PRKN: variants seen among roughly 807,000 people sequenced by gnomAD.
The protein encoded by PRKN is E3 ubiquitin-protein ligase parkin.
Under a neutral mutation model 59.5 loss-of-function variants are expected in PRKN, and 56 were observed. The ratio of observed to expected loss-of-function variants is 0.94; its 90% CI spans 0.76 to 1.18. The LOEUF (loss-of-function observed/expected upper bound fraction) is 1.18. PRKN is among the 50% of genes most tolerant of loss of function. The probability of loss-of-function intolerance (pLI) is 0.00; values close to 1 mark genes in which losing one functional copy is unlikely to be tolerated. For missense variants in PRKN, 657 were observed against 596.4 expected (o/e 1.10, Z -1.06); for synonymous variants, 250 against 222.1 (o/e 1.13, Z -1.12).
intron 4 of PRKN, among the ~76,000 whole-genome samples, chr6:162,076,427 T>C (rs1030794483): frequency 9.8e-5 from 15 of 152,302 alleles, no homozygotes; most frequent in African/African-American, 3.4e-4. Context: ...TTCTAGTCTA[T>C]AAATTTCCCT....
intron 6 of PRKN, 37 bp downstream of exon 6, chr6:161,973,265 T>A: frequency 1.5e-5 from 20 of 1,317,022 alleles, no homozygotes; most frequent in Non-Finnish European, 2.2e-5. Context: ...TTACCTCACG[T>A]CCGTGGAGGG....
chr6:162,429,522 T>C (rs1789408565), intron 2 of PRKN, among the ~76,000 whole-genome samples: 1 of 152,078 alleles, frequency 6.6e-6, no homozygotes. Flanking sequence ...CGGATTTCTC[T>C]TCTCATGAAG....
rs1230513785 is a variant in PRKN at position 161,442,882 on chromosome 6, C to T, written c.1084-56005G>A. Among the ~76,000 whole-genome samples the T allele has an allele frequency of 3.3e-5, 5 of 152,098 alleles. No homozygotes were observed. On this transcript the variant is annotated intron_variant, in intron 9 of 11. Coordinates refer to ENST00000366898, the MANE Select transcript of PRKN (RefSeq NM_004562.3). This position sits in a 1 kb window ranked among gnomAD's most constrained non-coding sequence, Gnocchi z 4.6. ...TATCTGTCAGCAGTTTAACATAAAC[C>T]CTCTCACTTACTGCCAATGTGTCCA...
chr6:161,755,005 G>T lies in PRKN; in HGVS notation c.871+30767C>A, dbSNP rs77675052. ...AGTATCCAGAGAGCTGACCTACCAG[G>T]GAAAGTGCTTATGTTTCTTTCAGGA... On this transcript the variant is annotated intron_variant, in intron 7 of 11. Transcript: ENST00000366898. 7.7e-3 allele frequency among the ~76,000 whole-genome samples: 1,165 copies of T among 152,230 alleles called. 19 individuals are homozygous for T. Among genetic ancestry groups the T allele is most frequent in the African/African-American group, 0.027 (1,117 of 41,534 alleles).
intron 4 of PRKN, among the ~76,000 whole-genome samples, chr6:162,105,066 A>C (rs1472067405): frequency 6.6e-6 from 1 of 152,184 alleles, no homozygotes; most frequent in Non-Finnish European, 1.5e-5. Flanking sequence ...GTGAAGTGAG[A>C]AGCACTCATC....
chr6:161,969,983 G>A (rs1033969666), intron 6 of PRKN, among the ~76,000 whole-genome samples: 9 of 152,064 alleles, frequency 5.9e-5, no homozygotes, highest in South Asian at 2.1e-4. Flanking sequence ...CCCACATAAC[G>A]GAATTTTAGG....
rs1038903647 is a variant in PRKN, at chr6:161,405,059, T to A, written c.1084-18182A>T. On this transcript the variant is annotated intron_variant, in intron 9 of 11. Coordinates refer to ENST00000366898, the MANE Select transcript of PRKN (RefSeq NM_004562.3). The surrounding 1 kb of genome is among the most constrained non-coding windows in gnomAD (Gnocchi z 5.1). ...AGGAAGATAGACTAAATGATAACAT[T>A]GCTTCCCACCTTCTCCTCCAGCTCT... Among the ~76,000 whole-genome samples the A allele has an allele frequency of 4.6e-5, 7 of 152,194 alleles. No individual in the cohort carries two copies. Among genetic ancestry groups the A allele is most frequent in the African/African-American group, 1.4e-4 (6 of 41,452 alleles).
At chr6:161,772,387 A>G (rs1441435017) in intron 7 of PRKN, among the ~76,000 whole-genome samples, 1 of 152,130 alleles carries the variant, frequency 6.6e-6, no homozygotes, top group Non-Finnish European at 1.5e-5. Flanking sequence ...ATGTGTCTCT[A>G]ATGTTGCATA....
chr6:161,748,178 A>G (rs565810879), intron 7 of PRKN, among the ~76,000 whole-genome samples: 1 of 152,342 alleles, frequency 6.6e-6, no homozygotes, highest in Non-Finnish European at 1.5e-5. Flanking sequence ...CTCAGCTTTG[A>G]GGATGCTTCT....
intron 3 of PRKN, among the ~76,000 whole-genome samples, chr6:162,249,712 T>C (rs74769292): frequency 0.024 from 3,594 of 152,250 alleles, 112 homozygotes; most frequent in South Asian, 0.064. Context: ...TATATGGCTA[T>C]AGATTTGTAA....
chr6:161,484,211 C>T lies in PRKN; in HGVS notation c.1083+64643G>A, dbSNP rs1791545701. Among the ~76,000 whole-genome samples, 1 of 151,888 alleles carries T rather than the reference C, an allele frequency of 6.6e-6. No homozygotes were observed. Among genetic ancestry groups the T allele is most frequent in the Admixed American group, 6.6e-5 (1 of 15,242 alleles). On this transcript the variant is annotated intron_variant, in intron 9 of 11. Transcript: ENST00000366898. This position sits in a 1 kb window ranked among gnomAD's most constrained non-coding sequence, Gnocchi z 4.9. ...GTTGAAGAAAATTTTAAAAAAAGAC[C>T]CTGCCTGGCAGGGTTTCAGCTTAAA...
chr6:161,931,752 T>A (rs954273392), intron 6 of PRKN, among the ~76,000 whole-genome samples: 1 of 152,190 alleles, frequency 6.6e-6, no homozygotes, highest in Non-Finnish European at 1.5e-5. Flanking sequence ...ATTATAAGTA[T>A]TGATGATGAA....
chr6:161,835,274 A>G (rs73601102), intron 6 of PRKN, among the ~76,000 whole-genome samples: 2,693 of 152,264 alleles, frequency 0.018, 89 homozygotes, highest in African/African-American at 0.061. Context: ...TCCATGGGGC[A>G]AAAGGGAACT....
chr6:161,561,983 C>T lies in PRKN; in HGVS notation c.933+7372G>A, dbSNP rs1187340927. On this transcript the variant is annotated intron_variant, in intron 8 of 11. Coordinates refer to ENST00000366898, the MANE Select transcript of PRKN (RefSeq NM_004562.3). This position sits in a 1 kb window ranked among gnomAD's most constrained non-coding sequence, Gnocchi z 5.0. ...ACAGGCGAAGGACGCTCCCTGACCTCATCTTCTGCAAACTCTCAGTAGCAT... is the reference window on the plus strand; with the variant it reads ...ACAGGCGAAGGACGCTCCCTGACCTTATCTTCTGCAAACTCTCAGTAGCAT... Among the ~76,000 whole-genome samples the T allele has an allele frequency of 6.6e-6, 1 of 152,196 alleles. No individual in the cohort carries two copies. The highest frequency in any genetic ancestry group is 1.9e-4 in the East Asian group (1 of 5,188).
At chr6:162,720,855 G>T (rs555318949) in intron 1 of PRKN, among the ~76,000 whole-genome samples, 2 of 152,262 alleles carry the variant, frequency 1.3e-5, no homozygotes, top group East Asian at 3.9e-4. Context: ...CAGCTCTGAT[G>T]ACATTGTTCT....
At chr6:161,881,487 A>G (rs1162374218) in intron 6 of PRKN, among the ~76,000 whole-genome samples, 1 of 152,208 alleles carries the variant, frequency 6.6e-6, no homozygotes, top group South Asian at 2.1e-4. Flanking sequence ...CTCCTCACAC[A>G]CGACCAGATT....
chr6:161,720,875 C>T (rs1344376718), intron 7 of PRKN, among the ~76,000 whole-genome samples: 1 of 151,950 alleles, frequency 6.6e-6, no homozygotes, highest in Non-Finnish European at 1.5e-5. Context: ...ATCAGTTCTA[C>T]TCCAAAAGAG....
At chr6:161,767,466 A>G (rs993138586) in intron 7 of PRKN, among the ~76,000 whole-genome samples, 6 of 152,018 alleles carry the variant, frequency 3.9e-5, no homozygotes, top group South Asian at 2.1e-4. Context: ...GCAGTGAGCC[A>G]AGATCAGGCC....
intron 1 of PRKN, among the ~76,000 whole-genome samples, chr6:162,716,766 G>A (rs375176669): frequency 8.5e-5 from 12 of 140,654 alleles, no homozygotes; most frequent in South Asian, 4.4e-4. Context: ...CTGCGCGCGC[G>A]CGCACGCACA....
Sources: allele counts gnomAD v4.1 joint callset (sites outside exome capture counted in the v4.1 genomes callset), GRCh38; gene constraint gnomAD v4.1.1; non-coding constraint Gnocchi (gnomAD v3.1); transcripts MANE v1.5; gene names NCBI Gene and HGNC (gene_info 2026-07-23, HGNC 2026-07-21).